The following HMGCLL1 variants were observed in gnomAD, a reference collection of about 807,000 sequenced individuals.
HMGCLL1 encodes the protein 3-hydroxy-3-methylglutaryl-CoA lyase like 1.
HMGCLL1 carries 36 observed loss-of-function variants against 39.1 expected under a neutral mutation model. That is an observed-to-expected ratio of 0.92 (90% CI 0.71 to 1.22). The LOEUF (loss-of-function observed/expected upper bound fraction) is 1.22. Ranked by LOEUF, HMGCLL1 falls within the 50% of genes most tolerant of loss-of-function variation. The probability of loss-of-function intolerance (pLI) is 0.00; values close to 1 mark genes in which losing one functional copy is unlikely to be tolerated. For missense variants in HMGCLL1, 451 were observed against 416.5 expected (o/e 1.08, Z -0.72); for synonymous variants, 149 against 144.0 (o/e 1.03, Z -0.25).
rs1451937433 is a variant in HMGCLL1, at chr6:55,544,993, T to C, written c.109-2853A>G. On this transcript the variant is annotated intron_variant, in intron 1 of 8. Coordinates refer to ENST00000274901, the MANE Select transcript of HMGCLL1 (RefSeq NM_001042406.2). ...AATTTCAACAGAACAATAAATAAAA[T>C]ATATGACATGGGAAGGTGAAGTAAA... is the stretch of plus-strand genomic sequence containing the variant. 2.0e-5 allele frequency among the ~76,000 whole-genome samples: 3 copies of C among 151,946 alleles called. No individual in the cohort carries two copies. In the East Asian group the frequency reaches 5.8e-4, roughly 29 times the overall value.
chr6:55,574,518 T>TA (rs139082701), intron 1 of HMGCLL1, among the ~76,000 whole-genome samples: 64,118 of 151,128 alleles, frequency 0.42, 13,751 homozygotes, highest in South Asian at 0.53. Context: ...AAGGGTATAG[T>TA]AAAAAAAAGT....
the HMGCLL1 span, among the ~76,000 whole-genome samples, chr6:55,628,237 A>G: frequency 2.7e-5 from 3 of 112,510 alleles, no homozygotes; most frequent in African/African-American, 1.0e-4. Context: ...GAGAACCCTG[A>G]CTAAACAGTA....
At chr6:55,639,159 A>G in the HMGCLL1 span, among the ~76,000 whole-genome samples, 1 of 152,054 alleles carries the variant, frequency 6.6e-6, no homozygotes, top group Admixed American at 6.6e-5. Flanking sequence ...TATTAAATTA[A>G]GTAATTCATG....
the HMGCLL1 span, among the ~76,000 whole-genome samples, chr6:55,652,656 C>A: frequency 6.6e-6 from 1 of 152,048 alleles, no homozygotes; most frequent in South Asian, 2.1e-4. Context: ...TAACATTGTT[C>A]CTGTTTCACA....
chr6:55,595,740 G>T, the HMGCLL1 span, among the ~76,000 whole-genome samples: 1 of 152,118 alleles, frequency 6.6e-6, no homozygotes, highest in East Asian at 1.9e-4. Flanking sequence ...AATAATTCAT[G>T]AATCTGGCCA....
the HMGCLL1 span, among the ~76,000 whole-genome samples, chr6:55,668,260 T>C: frequency 6.6e-6 from 1 of 151,950 alleles, no homozygotes; most frequent in Non-Finnish European, 1.5e-5. Context: ...GTAGCAGGTG[T>C]TCCCTGATCC....
the HMGCLL1 span, among the ~76,000 whole-genome samples, chr6:55,656,860 C>G: frequency 6.6e-6 from 1 of 151,768 alleles, no homozygotes; most frequent in Non-Finnish European, 1.5e-5. Flanking sequence ...TGAAGGGAGA[C>G]CAGTTAAATT....
chr6:55,597,436 C>T, the HMGCLL1 span, among the ~76,000 whole-genome samples: 1 of 151,482 alleles, frequency 6.6e-6, no homozygotes, highest in East Asian at 1.9e-4. Context: ...AAGAATTAAT[C>T]CCAGATTTTC....
intron 3 of HMGCLL1, among the ~76,000 whole-genome samples, chr6:55,527,789 C>A (rs1046355989): frequency 1.3e-5 from 2 of 151,880 alleles, no homozygotes; most frequent in African/African-American, 4.8e-5. Flanking sequence ...GGAAAAATAC[C>A]AGTTTTGGTA....
the HMGCLL1 span, among the ~76,000 whole-genome samples, chr6:55,664,271 T>C: frequency 6.6e-6 from 1 of 151,758 alleles, no homozygotes; most frequent in African/African-American, 2.4e-5. Flanking sequence ...AGTGTCAGTG[T>C]TCTGTGTATT....
At chr6:55,459,682 G>T (rs1174008805) in intron 7 of HMGCLL1, among the ~76,000 whole-genome samples, 1 of 151,894 alleles carries the variant, frequency 6.6e-6, no homozygotes, top group African/African-American at 2.4e-5. Flanking sequence ...CACTGAGAGG[G>T]ATACAAATAA....
the HMGCLL1 span, among the ~76,000 whole-genome samples, chr6:55,656,105 A>T: frequency 2.0e-5 from 3 of 151,938 alleles, no homozygotes; most frequent in South Asian, 6.2e-4. Context: ...CCTATCGGGA[A>T]TTTTTTTCAA....
the HMGCLL1 span, among the ~76,000 whole-genome samples, chr6:55,618,488 C>A: frequency 1.3e-5 from 2 of 151,666 alleles, no homozygotes; most frequent in Admixed American, 6.6e-5. Flanking sequence ...TCAGAGAGAA[C>A]AAATAGAGAA....
intron 5 of HMGCLL1, among the ~76,000 whole-genome samples, chr6:55,505,924 T>A (rs1445412860): frequency 1.3e-5 from 2 of 151,894 alleles, no homozygotes; most frequent in East Asian, 3.9e-4. Flanking sequence ...TAAACATATG[T>A]GGGGCTAGAC....
chr6:55,678,144 C>T, the HMGCLL1 span, among the ~76,000 whole-genome samples: 1 of 152,244 alleles, frequency 6.6e-6, no homozygotes, highest in Middle Eastern at 3.4e-3. Context: ...GGTGTTGGCT[C>T]TTATGGCTGG....
intron 3 of HMGCLL1, among the ~76,000 whole-genome samples, chr6:55,537,215 T>A (rs1471140817): frequency 6.6e-6 from 1 of 152,204 alleles, no homozygotes. Context: ...ATATCCTCAA[T>A]ATTTGCCTTT....
chr6:55,632,370 A>G, the HMGCLL1 span, among the ~76,000 whole-genome samples: 1 of 151,180 alleles, frequency 6.6e-6, no homozygotes, highest in Admixed American at 6.6e-5. Flanking sequence ...TGGTCATGGC[A>G]TCTAATTGAA....
intron 1 of HMGCLL1, among the ~76,000 whole-genome samples, chr6:55,563,037 T>C (rs1382180336): frequency 2.0e-5 from 3 of 152,060 alleles, no homozygotes; most frequent in South Asian, 4.1e-4. Context: ...GACACATTCA[T>C]ATACTGACAA....
intron 1 of HMGCLL1, among the ~76,000 whole-genome samples, chr6:55,577,964 G>A (rs1047472494): frequency 1.3e-5 from 2 of 152,112 alleles, no homozygotes; most frequent in Non-Finnish European, 2.9e-5. Context: ...AATTTGTAAA[G>A]ATAAGATTGC....
Sources: allele counts gnomAD v4.1 joint callset (sites outside exome capture counted in the v4.1 genomes callset), GRCh38; gene constraint gnomAD v4.1.1; transcripts MANE v1.5; gene names NCBI Gene and HGNC (gene_info 2026-07-23, HGNC 2026-07-21).